LYPD6B: variants seen among roughly 807,000 people sequenced by gnomAD.
LYPD6B encodes the protein ly6/PLAUR domain-containing protein 6B.
LYPD6B carries 17 observed loss-of-function variants against 22.8 expected under a neutral mutation model. The ratio of observed to expected loss-of-function variants is 0.75; its 90% CI spans 0.51 to 1.12. The LOEUF is 1.12. LYPD6B is among the 50% of genes most tolerant of loss of function. The pLI, the probability that LYPD6B is intolerant of heterozygous loss-of-function variation, is 0.00. For missense variants in LYPD6B, 221 were observed against 258.3 expected, an observed-to-expected ratio of 0.86 and a Z score of 0.99; for synonymous variants, 106 against 91.6, an observed-to-expected ratio of 1.16 and a Z score of -0.90.
intron 3 of LYPD6B, among the ~76,000 whole-genome samples, chr2:149,173,046 T>TTA (rs1156940174): frequency 2.0e-5 from 3 of 151,880 alleles, no homozygotes; most frequent in Non-Finnish European, 1.5e-5. Flanking sequence ...ATTCACATAT[T>TTA]TATATATATG....
intron 5 of LYPD6B, among the ~76,000 whole-genome samples, chr2:149,210,954 T>C (rs1273937872): frequency 6.6e-6 from 1 of 152,202 alleles, no homozygotes; most frequent in Non-Finnish European, 1.5e-5. Flanking sequence ...AGAGATTTAA[T>C]TGGCTTACGG....
intron 5 of LYPD6B, among the ~76,000 whole-genome samples, chr2:149,212,630 T>C (rs947926132): frequency 2.6e-5 from 4 of 152,092 alleles, no homozygotes; most frequent in African/African-American, 9.7e-5. Context: ...TTATTTTAGA[T>C]TTCGAGAACG....
At chr2:149,121,310 C>T (rs1049634746) in intron 1 of LYPD6B, among the ~76,000 whole-genome samples, 46 of 152,058 alleles carry the variant, frequency 3.0e-4, no homozygotes, top group Admixed American at 2.7e-3. Context: ...GGGTCCAGTT[C>T]GCTTTTGTTT....
intron 3 of LYPD6B, among the ~76,000 whole-genome samples, chr2:149,199,402 A>G (rs576733071): frequency 6.6e-6 from 1 of 152,222 alleles, no homozygotes; most frequent in South Asian, 2.1e-4. Flanking sequence ...ACATCTTACC[A>G]GTGGCTCATA....
At chr2:149,164,783 T>G (rs1232863427) in intron 3 of LYPD6B, among the ~76,000 whole-genome samples, 1 of 152,158 alleles carries the variant, frequency 6.6e-6, no homozygotes, top group Non-Finnish European at 1.5e-5. Flanking sequence ...GGAAACACCT[T>G]GTGATGGTTG....
chr2:149,090,642 T>C (rs780123801), intron 1 of LYPD6B, among the ~76,000 whole-genome samples: 10 of 152,098 alleles, frequency 6.6e-5, no homozygotes, highest in Non-Finnish European at 1.2e-4. Context: ...TTTGAATGAA[T>C]GCCACTTTTC....
intron 2 of LYPD6B, among the ~76,000 whole-genome samples, chr2:149,155,703 T>C (rs112699070): frequency 0.016 from 2,437 of 152,288 alleles, 70 homozygotes; most frequent in African/African-American, 0.056. Flanking sequence ...GTCCATTTTA[T>C]TTTGCTCTCC....
chr2:149,109,028 C>T (rs188632188), intron 1 of LYPD6B, among the ~76,000 whole-genome samples: 2 of 151,822 alleles, frequency 1.3e-5, no homozygotes, highest in East Asian at 1.9e-4. Flanking sequence ...TGTAAGGGTC[C>T]CCACAATACA....
intron 1 of LYPD6B, among the ~76,000 whole-genome samples, chr2:149,126,688 T>C (rs1192301817): frequency 2.0e-5 from 3 of 152,186 alleles, no homozygotes; most frequent in African/African-American, 2.4e-5. Context: ...GGGTCAACCA[T>C]GCTTTTGATT....
chr2:149,196,143 T>C (rs1692796023), intron 3 of LYPD6B, among the ~76,000 whole-genome samples: 2 of 152,250 alleles, frequency 1.3e-5, no homozygotes, highest in African/African-American at 2.4e-5. Flanking sequence ...TATATATCTT[T>C]ATATATGTAC....
Position 149,198,316 on chromosome 2 carries a change from A to G in LYPD6B, c.78-6937A>G, listed in dbSNP as rs142909050. ...CTTGGCCTCCCAAAGTGCTGGGATTACAGGCATGAGCCACCGCGCCTCACT... is the reference window on the plus strand; with the variant it reads ...CTTGGCCTCCCAAAGTGCTGGGATTGCAGGCATGAGCCACCGCGCCTCACT... On this transcript the variant is annotated intron_variant, in intron 3 of 6. Transcript: ENST00000409642. Among the ~76,000 whole-genome samples, 15 of 152,310 alleles carry G rather than the reference A, an allele frequency of 9.8e-5. No homozygotes were observed. In the East Asian group the frequency reaches 2.9e-3, roughly 29 times the overall value.
chr2:149,107,464 A>G (rs1686534990), intron 1 of LYPD6B, among the ~76,000 whole-genome samples: 1 of 152,240 alleles, frequency 6.6e-6, no homozygotes, highest in South Asian at 2.1e-4. Context: ...AACTACAGAA[A>G]GTGAACCTGA....
At chr2:149,065,685 G>A (rs1215393673) in intron 1 of LYPD6B, among the ~76,000 whole-genome samples, 4 of 152,130 alleles carry the variant, frequency 2.6e-5, no homozygotes, top group South Asian at 2.1e-4. Flanking sequence ...GGGGTCTTTT[G>A]TGTTGTGTGT....
intron 3 of LYPD6B, among the ~76,000 whole-genome samples, chr2:149,197,002 T>C (rs577738320): frequency 5.9e-5 from 9 of 152,308 alleles, no homozygotes; most frequent in African/African-American, 1.9e-4. Flanking sequence ...CATTTCAGCC[T>C]CCATTTCTCT....
chr2:149,194,530 AT>A (rs1692686157), intron 3 of LYPD6B, among the ~76,000 whole-genome samples: 1 of 152,208 alleles, frequency 6.6e-6, no homozygotes, highest in Admixed American at 6.5e-5. Flanking sequence ...GCTGTATTGT[AT>A]TATAGGCCTA....
chr2:149,122,432 T>A (rs918534014), intron 1 of LYPD6B, among the ~76,000 whole-genome samples: 6 of 152,132 alleles, frequency 3.9e-5, no homozygotes, highest in East Asian at 1.9e-4. Context: ...TCTTTTTTTT[T>A]ATTATACTTT....
intron 3 of LYPD6B, chr2:149,187,622 A>G (rs1203876578): frequency 8.2e-6 from 9 of 1,103,268 alleles, no homozygotes; most frequent in Non-Finnish European, 1.1e-5. Context: ...GAATAAACGT[A>G]TTTAGTAACT....
intron 1 of LYPD6B, among the ~76,000 whole-genome samples, chr2:149,079,286 A>G (rs1685015159): frequency 6.6e-6 from 1 of 152,098 alleles, no homozygotes; most frequent in Non-Finnish European, 1.5e-5. Flanking sequence ...ATGTAACTCT[A>G]GCTGTACTGT....
At chr2:149,128,448 C>A (rs1230117212) in intron 1 of LYPD6B, among the ~76,000 whole-genome samples, 3 of 152,198 alleles carry the variant, frequency 2.0e-5, no homozygotes, top group Admixed American at 6.5e-5. Flanking sequence ...TAATCATTGG[C>A]ACTGCATTTG....
Sources: gnomAD v4.1 joint callset for allele counts (sites outside exome capture counted in the v4.1 genomes callset) on GRCh38, gnomAD v4.1.1 for gene constraint, MANE v1.5 for transcripts, NCBI Gene and HGNC (gene_info 2026-07-23, HGNC 2026-07-21) for gene names.